Variants in XRRA1 observed in about 807,000 individuals in gnomAD.
XRRA1 encodes X-ray radiation resistance-associated protein 1.
A neutral mutation model predicts 80.2 loss-of-function variants in XRRA1; 69 were observed. The ratio of observed to expected loss-of-function variants is 0.86; its 90% CI spans 0.71 to 1.05. The LOEUF (loss-of-function observed/expected upper bound fraction) is 1.05. Among genes scored for constraint, XRRA1 ranks in the 50% least tolerant of loss-of-function variants. XRRA1 has a pLI of 0.00. For synonymous variants in XRRA1, 348 were observed against 389.9 expected, an observed-to-expected ratio of 0.89 and a Z score of 1.27; for missense variants, 967 against 976.4, an observed-to-expected ratio of 0.99 and a Z score of 0.13.
chr11:74,880,347 C>G (rs191374366), intron 10 of XRRA1, among the ~76,000 whole-genome samples: 1,754 of 152,072 alleles, frequency 0.012, 47 homozygotes, highest in African/African-American at 0.04. Flanking sequence ...CTATTCGATT[C>G]TTCTTTTTTT....
chr11:74,859,833 G>A (rs947626515), intron 11 of XRRA1, among the ~76,000 whole-genome samples: 2 of 152,064 alleles, frequency 1.3e-5, no homozygotes, highest in Admixed American at 6.6e-5. Context: ...CAACCTGCCC[G>A]TGGGAGCTGA....
Position 74,843,362 on chromosome 11 carries a change from A to C in XRRA1, c.2241T>G (p.Arg747=). 1 of 1,611,894 alleles carries C rather than the reference A, an allele frequency of 6.2e-7. No individual in the cohort carries two copies. Among genetic ancestry groups the C allele is most frequent in the South Asian group, 1.1e-5 (1 of 90,554 alleles). The stretch of plus-strand genomic sequence containing the variant: ...GAGAGCCACTCACCAGCTGCCGGTA[A>C]CGTGCCTGGAACTCCTTCAACAGCC... ...AKRLLKEFQA[R]YRQLVSGSLR... Residue 747 remains arginine (R), a synonymous_variant, in exon 19 of 19, where the codon CGT becomes CGG. Transcript: ENST00000684022.
intron 15 of XRRA1, 105 bp downstream of exon 15, chr11:74,848,010 C>T (rs1420504040): frequency 6.9e-6 from 7 of 1,018,486 alleles, no homozygotes; most frequent in Non-Finnish European, 8.5e-6. Flanking sequence ...CCAGACCTGC[C>T]ATGTGCTTGT....
chr11:74,928,097 C>T (rs1161603262), intron 6 of XRRA1, among the ~76,000 whole-genome samples: 7 of 152,174 alleles, frequency 4.6e-5, no homozygotes. Context: ...TCCTAGTTTA[C>T]TAATCCATTT....
intron 10 of XRRA1, among the ~76,000 whole-genome samples, chr11:74,904,815 T>C (rs2054227620): frequency 6.7e-6 from 1 of 149,320 alleles, no homozygotes; most frequent in Non-Finnish European, 1.5e-5. Flanking sequence ...TGGGATATTT[T>C]ACAACGATTA....
chr11:74,939,413 T>C (rs1021120494), intron 3 of XRRA1, among the ~76,000 whole-genome samples: 1 of 152,234 alleles, frequency 6.6e-6, no homozygotes, highest in African/African-American at 2.4e-5. Flanking sequence ...CAAATATTTA[T>C]ATTAGTAGAC....
intron 10 of XRRA1, among the ~76,000 whole-genome samples, chr11:74,878,509 T>TC (rs2046636034): frequency 6.6e-6 from 1 of 152,196 alleles, no homozygotes; most frequent in Non-Finnish European, 1.5e-5. Flanking sequence ...TGCCATTGCT[T>TC]TTGGTGTTTT....
intron 10 of XRRA1, among the ~76,000 whole-genome samples, chr11:74,894,175 C>A (rs1274222158): frequency 1.3e-5 from 2 of 152,144 alleles, no homozygotes; most frequent in Non-Finnish European, 2.9e-5. Context: ...AAACCAAGTA[C>A]TGAATGTTCT....
chr11:74,888,017 GGCA>G (rs888664055), intron 10 of XRRA1, among the ~76,000 whole-genome samples: 3 of 152,312 alleles, frequency 2.0e-5, no homozygotes, highest in African/African-American at 7.2e-5. Flanking sequence ...CCAAACAAAA[GGCA>G]GCAGAATCCT....
intron 10 of XRRA1, among the ~76,000 whole-genome samples, chr11:74,866,808 G>C (rs1324955405): frequency 6.6e-6 from 1 of 151,832 alleles, no homozygotes; most frequent in Non-Finnish European, 1.5e-5. Flanking sequence ...GGAGAAAAAA[G>C]GAAGAAGAAT....
intron 8 of XRRA1, among the ~76,000 whole-genome samples, chr11:74,911,711 G>A (rs1283567556): frequency 3.3e-5 from 5 of 152,142 alleles, no homozygotes. Flanking sequence ...CCCCGTGGTG[G>A]TGGATCCATC....
At chr11:74,883,747 G>C (rs1285179261) in intron 10 of XRRA1, among the ~76,000 whole-genome samples, 2 of 152,178 alleles carry the variant, frequency 1.3e-5, no homozygotes, top group African/African-American at 4.8e-5. Context: ...GAAGTAGCCA[G>C]AAAGAGTTGT....
At chr11:74,934,224 T>G (rs2139620220) in intron 4 of XRRA1, among the ~76,000 whole-genome samples, 1 of 152,366 alleles carries the variant, frequency 6.6e-6, no homozygotes, top group Non-Finnish European at 1.5e-5. Context: ...CAGATCTTAC[T>G]AATCCAAATC....
chr11:74,948,787 G>A (rs1385123732), intron 1 of XRRA1, 141 bp downstream of exon 1: 1 of 155,032 alleles, frequency 6.5e-6, no homozygotes, highest in Non-Finnish European at 1.4e-5. Context: ...CAGCTAAAAT[G>A]ACAGCTGCTT....
rs193222785 is a variant in XRRA1, at chr11:74,921,895, C to A, written c.523-548G>T. Among the ~76,000 whole-genome samples, 3 of 152,282 alleles carry A rather than the reference C, an allele frequency of 2.0e-5. No homozygotes were observed. The East Asian group carries it at 5.8e-4, about 29-fold the overall frequency. Reference sequence around the variant, plus strand: ...CTTGGAAGACTGTGGGGTCAAGTGCCATGCCACTGTAACACTGTATCCTTG... The same window carrying A: ...CTTGGAAGACTGTGGGGTCAAGTGCAATGCCACTGTAACACTGTATCCTTG... On this transcript the variant is annotated intron_variant, in intron 7 of 18. Coordinates refer to ENST00000684022, the MANE Select transcript of XRRA1 (RefSeq NM_001378157.1).
chr11:74,920,715 G>A (rs1940466069), intron 8 of XRRA1, among the ~76,000 whole-genome samples: 2 of 152,196 alleles, frequency 1.3e-5, no homozygotes, highest in Admixed American at 6.5e-5. Context: ...TCTAAAAAAT[G>A]TGGATAATAA....
At chr11:74,844,375 G>C in intron 16 of XRRA1, 92 bp from the exon 17 acceptor site, 1 of 902,262 alleles carries the variant, frequency 1.1e-6, no homozygotes, top group Non-Finnish European at 1.8e-6. Context: ...TCTCACAGCA[G>C]CTCTAGGTAA....
rs1156294385 is a variant in XRRA1, at chr11:74,906,230, G to A, written c.1003+9C>T. 2.5e-6 allele frequency: 4 copies of A among 1,610,864 alleles called. No homozygotes were observed. The highest frequency in any genetic ancestry group is 3.4e-6 in the Non-Finnish European group (4 of 1,177,852). On this transcript the variant is annotated intron_variant, in intron 10 of 18. Transcript: ENST00000684022. Reference sequence around the variant, plus strand: ...GGGTAGAATTTCTGGGACAAGGGGTGTCACTCACCTGTCCGGTCAACATCC... The same window carrying A: ...GGGTAGAATTTCTGGGACAAGGGGTATCACTCACCTGTCCGGTCAACATCC...
chr11:74,864,600 G>A (rs1366278474), intron 10 of XRRA1, among the ~76,000 whole-genome samples: 2 of 152,220 alleles, frequency 1.3e-5, no homozygotes, highest in Admixed American at 6.5e-5. Flanking sequence ...AAGGTCCTGG[G>A]CTACAGCCAT....
Sources: gnomAD v4.1 joint callset for allele counts (sites outside exome capture counted in the v4.1 genomes callset) on GRCh38, gnomAD v4.1.1 for gene constraint, MANE v1.5 for transcripts, NCBI Gene and HGNC (gene_info 2026-07-23, HGNC 2026-07-21) for gene names.